CEP131: variants seen among roughly 807,000 people sequenced by gnomAD.
CEP131 encodes centrosomal protein 131.
CEP131 carries 99 observed loss-of-function variants against 136.8 expected under a neutral mutation model. The ratio of observed to expected loss-of-function variants is 0.72; its 90% CI spans 0.62 to 0.86. The LOEUF (loss-of-function observed/expected upper bound fraction) is 0.86, where lower values mean the gene tolerates loss of function less well. CEP131 is among the 40% of genes least tolerant of loss of function. The probability of loss-of-function intolerance (pLI) is 0.00; values close to 1 mark genes in which losing one functional copy is unlikely to be tolerated. For missense variants in CEP131, 1,459 were observed against 1,463.0 expected (o/e 1.00, Z 0.04); for synonymous variants, 646 against 612.7 (o/e 1.05, Z -0.80).
chr17:81,189,887 T>C (rs779769616), intron 25 of CEP131, 28 bp downstream of exon 25: 1 of 1,612,578 alleles, frequency 6.2e-7, no homozygotes, highest in South Asian at 1.1e-5. Context: ...AGCCCCGAGG[T>C]CCAGCAGGGC....
chr17:81,211,281 C>G (rs2062127149), intron 2 of CEP131, among the ~76,000 whole-genome samples: 1 of 152,216 alleles, frequency 6.6e-6, no homozygotes, highest in African/African-American at 2.4e-5. Context: ...TTCGGGAGGT[C>G]AGAAGGCAGG....
At chr17:81,202,484 C>A in intron 6 of CEP131, 86 bp from the exon 7 acceptor site, 1 of 1,490,398 alleles carries the variant, frequency 6.7e-7, no homozygotes, top group East Asian at 2.3e-5. Context: ...TCCCGGAAGT[C>A]CCAGGACTGA....
chr17:81,198,036 A>C, intron 12 of CEP131, 79 bp downstream of exon 12: 1 of 1,482,008 alleles, frequency 6.7e-7, no homozygotes, highest in African/African-American at 1.4e-5. Flanking sequence ...CCATTTTCCC[A>C]ACCCCCACAG....
chr17:81,190,930 G>T lies in CEP131; in HGVS notation c.2920C>A (p.Arg974=). The change falls in exon 23 of 26, where the codon CGG becomes AGG. Residue 974 remains arginine (R), a synonymous_variant. Coordinates refer to ENST00000450824, the MANE Select transcript of CEP131 (RefSeq NM_014984.4). ...ACCGCCTGCGCATCCTCCAGCGCCC[G>T]CTCCTTCTGCCGCACAAGGCCCTGC... is the stretch of plus-strand genomic sequence containing the variant. The part of the protein sequence containing the change: ...RLQGLVRQKE[R]ALEDAQAVNE... 3.1e-6 allele frequency: 5 copies of T among 1,604,490 alleles called. No individual in the cohort carries two copies. The highest frequency in any genetic ancestry group is 4.2e-6 in the Non-Finnish European group (5 of 1,179,550).
intron 21 of CEP131, 53 bp downstream of exon 21, chr17:81,192,265 G>T: frequency 6.6e-7 from 1 of 1,518,498 alleles, no homozygotes; most frequent in Non-Finnish European, 8.9e-7. Context: ...CCCAACTCCT[G>T]CCCACGCAGG....
At chr17:81,204,426 G>T (rs2061960285) in intron 5 of CEP131, among the ~76,000 whole-genome samples, 1 of 152,142 alleles carries the variant, frequency 6.6e-6, no homozygotes, top group African/African-American at 2.4e-5. Flanking sequence ...TGTCTCTGGA[G>T]AGACTCAGCC....
intron 17 of CEP131, 69 bp from the exon 18 acceptor site, chr17:81,194,196 A>G (rs2061705575): frequency 1.4e-6 from 2 of 1,385,750 alleles, no homozygotes; most frequent in East Asian, 5.5e-5. Context: ...CCCTGGCACA[A>G]GACCAGCCTG....
In CEP131 at chr17:81,208,456, C is replaced by G. The variant is rs918840003; in HGVS notation, c.272+472G>C. ...CACCGGCTCCACTCCCCACAACACC[C>G]CCACTGGGGCCATTGAGGCAGCTCC... On this transcript the variant is annotated intron_variant, in intron 3 of 25. Coordinates refer to ENST00000450824, the MANE Select transcript of CEP131 (RefSeq NM_014984.4). The surrounding 1 kb of genome is among the most constrained non-coding windows in gnomAD (Gnocchi z 5.6). Among the ~76,000 whole-genome samples the G allele has an allele frequency of 6.6e-6, 1 of 152,192 alleles. No homozygotes were observed. The highest frequency in any genetic ancestry group is 1.5e-5 in the Non-Finnish European group (1 of 68,032).
In CEP131 at chr17:81,208,945, A is replaced by T; in HGVS notation, c.255T>A (p.Pro85=). The T allele has an allele frequency of 6.2e-7, 1 of 1,613,814 alleles. No homozygotes were observed. Among genetic ancestry groups the T allele is most frequent in the Admixed American group, 1.7e-5 (1 of 60,006 alleles). ...GGGGTTACCTGGGGGAGCCGCTCCG[A>T]GGCTGGCTGACCTGCGTGGTGCTGT... The part of the protein sequence containing the change: ...RSNSTTQVSQ[P]RSGSPRPTEP... The change falls in exon 3 of 26, where the codon CCT becomes CCA. Residue 85 remains proline, a synonymous_variant. Coordinates refer to ENST00000450824, the MANE Select transcript of CEP131 (RefSeq NM_014984.4). The surrounding 1 kb of genome is among the most constrained non-coding windows in gnomAD (Gnocchi z 5.6).
At chr17:81,197,433 G>C (rs1187186116) in intron 13 of CEP131, 1 of 549,080 alleles carries the variant, frequency 1.8e-6, no homozygotes, top group Non-Finnish European at 3.2e-6. Flanking sequence ...ATATGGGCTC[G>C]TGGAGGCAGC....
Position 81,222,920 on chromosome 17 carries a change from T to G in CEP131, c.-169A>C, listed in dbSNP as rs1444203389. 6.6e-6 allele frequency: 1 copy of G among 152,054 alleles called. No homozygotes were observed. The highest frequency in any genetic ancestry group is 1.9e-4 in the East Asian group (1 of 5,148). 9.4% of individuals were successfully genotyped at this position (152,054 alleles called of 1,614,324 possible). On this transcript the variant is annotated 5_prime_UTR_variant, in exon 1 of 26. Transcript: ENST00000450824. ...CCCCCAACACTGCCCCGAGGCCCGG[T>G]GACAATGAAGCGGCCGGACGGCCGG... is the stretch of plus-strand genomic sequence containing the variant.
In CEP131 at chr17:81,208,414, C is replaced by A. The variant is rs958384875; in HGVS notation, c.272+514G>T. On this transcript the variant is annotated intron_variant, in intron 3 of 25. Coordinates refer to ENST00000450824, the MANE Select transcript of CEP131 (RefSeq NM_014984.4). The surrounding 1 kb of genome is among the most constrained non-coding windows in gnomAD (Gnocchi z 5.6). ...CACTCTGGGCTAGAGGATGTCCCCCCGGAGGCTGCTGGCCACCACCGGCTC... is the reference window on the plus strand; with the variant it reads ...CACTCTGGGCTAGAGGATGTCCCCCAGGAGGCTGCTGGCCACCACCGGCTC... 6.6e-6 allele frequency among the ~76,000 whole-genome samples: 1 copy of A among 152,074 alleles called. No individual in the cohort carries two copies. Among genetic ancestry groups the A allele is most frequent in the Non-Finnish European group, 1.5e-5 (1 of 68,002 alleles).
At chr17:81,190,388 G>A (rs1312765279) in intron 24 of CEP131, among the ~76,000 whole-genome samples, 1 of 152,186 alleles carries the variant, frequency 6.6e-6, no homozygotes, top group Non-Finnish European at 1.5e-5. Context: ...GAACTCGCCA[G>A]GCCCAGACCC....
At chr17:81,197,959 G>A (rs1321552141) in intron 12 of CEP131, 71 bp from the exon 13 acceptor site, 3 of 1,559,020 alleles carry the variant, frequency 1.9e-6, no homozygotes, top group Non-Finnish European at 2.6e-6. Context: ...AAAGGCAGAG[G>A]TGGCAGCTGA....
rs117642046 is a variant in CEP131, at chr17:81,211,221, T to C, written c.178-2199A>G. Among the ~76,000 whole-genome samples the C allele has an allele frequency of 4.9e-3, 742 of 152,202 alleles. 18 individuals are homozygous for C. The East Asian group carries it at 0.061, about 13-fold the overall frequency. On this transcript the variant is annotated intron_variant, in intron 2 of 25. Coordinates refer to ENST00000450824, the MANE Select transcript of CEP131 (RefSeq NM_014984.4). Reference sequence around the variant, plus strand: ...AGGCCCTGTGCAATTCCTCATTCAATCCCTGCTGGGCTGTGCTCCCAGGGC... The same window carrying C: ...AGGCCCTGTGCAATTCCTCATTCAACCCCTGCTGGGCTGTGCTCCCAGGGC...
At chr17:81,217,718 A>C (rs1421199871) in intron 2 of CEP131, among the ~76,000 whole-genome samples, 2 of 152,178 alleles carry the variant, frequency 1.3e-5, no homozygotes, top group Non-Finnish European at 1.5e-5. Flanking sequence ...GGAACATTCC[A>C]TGAACGAGGG....
chr17:81,203,485 A>G lies in CEP131; in HGVS notation c.629+9T>C. ...CCCGCAGCCCCGCGGCCTCCCCAGA[A>G]GACCTTACTTGAGGGAGGGGGCAGT... On this transcript the variant is annotated intron_variant, in intron 6 of 25. Transcript: ENST00000450824. The surrounding 1 kb of genome is among the most constrained non-coding windows in gnomAD (Gnocchi z 4.6). 1 of 1,589,760 alleles carries G rather than the reference A, an allele frequency of 6.3e-7. No homozygotes were observed. The highest frequency in any genetic ancestry group is 1.1e-5 in the South Asian group (1 of 87,660).
intron 13 of CEP131, 118 bp downstream of exon 13, chr17:81,197,594 T>A (rs934405903): frequency 3.6e-6 from 5 of 1,407,482 alleles, no homozygotes; most frequent in African/African-American, 1.5e-5. Context: ...GCGAGAGACC[T>A]CCTCCCCCTG....
intron 18 of CEP131, among the ~76,000 whole-genome samples, chr17:81,193,266 A>C (rs1016130274): frequency 1.3e-5 from 2 of 152,156 alleles, no homozygotes; most frequent in African/African-American, 4.8e-5. Context: ...CCGTGACCTG[A>C]GCAAGCTCGC....
Sources: allele counts gnomAD v4.1 joint callset (sites outside exome capture counted in the v4.1 genomes callset), GRCh38; gene constraint gnomAD v4.1.1; non-coding constraint Gnocchi (gnomAD v3.1); transcripts MANE v1.5; gene names NCBI Gene and HGNC (gene_info 2026-07-23, HGNC 2026-07-21).